The following FAM135B variants were observed in gnomAD, a reference collection of about 807,000 sequenced individuals.
FAM135B encodes the protein family with sequence similarity 135 member B.
Under a neutral mutation model 127.7 loss-of-function variants are expected in FAM135B, and 43 were observed. The observed-to-expected ratio is 0.34, with a 90% CI of 0.26 to 0.43. The LOEUF (loss-of-function observed/expected upper bound fraction) is 0.43, where lower values mean the gene tolerates loss of function less well. Ranked by LOEUF, FAM135B falls within the 20% of genes least tolerant of loss-of-function variation. FAM135B has a pLI of 1.00. For missense variants in FAM135B, 1,558 were observed against 1,725.6 expected, an observed-to-expected ratio of 0.90 and a Z score of 1.72; for synonymous variants, 670 against 665.1, an observed-to-expected ratio of 1.01 and a Z score of -0.11.
chr8:138,371,788 C>G (rs1052175223), intron 1 of FAM135B, among the ~76,000 whole-genome samples: 4 of 152,242 alleles, frequency 2.6e-5, no homozygotes, highest in Non-Finnish European at 5.9e-5. Context: ...CAGACATCTT[C>G]TCTGCACTAA....
intron 8 of FAM135B, among the ~76,000 whole-genome samples, chr8:138,195,649 C>A (rs1816559613): frequency 6.6e-6 from 1 of 152,072 alleles, no homozygotes; most frequent in African/African-American, 2.4e-5. Context: ...CACACACACA[C>A]ACACACACAA....
chr8:138,435,231 AG>A (rs1835396127), intron 1 of FAM135B, among the ~76,000 whole-genome samples: 1 of 152,132 alleles, frequency 6.6e-6, no homozygotes, highest in Non-Finnish European at 1.5e-5. Context: ...CGGGAGGCAG[AG>A]GTTGCAGTGA....
chr8:138,452,441 G>A (rs1836548284), intron 1 of FAM135B, among the ~76,000 whole-genome samples: 1 of 151,992 alleles, frequency 6.6e-6, no homozygotes, highest in African/African-American at 2.4e-5. Flanking sequence ...TTTCAAAGTG[G>A]AGGTGACCAC....
At chr8:138,196,530 A>G (rs1054417040) in intron 8 of FAM135B, among the ~76,000 whole-genome samples, 2 of 152,212 alleles carry the variant, frequency 1.3e-5, no homozygotes, top group African/African-American at 4.8e-5. Context: ...GAAGCAAAAC[A>G]TGCAAATAAA....
chr8:138,173,529 T>C (rs1007028694), intron 11 of FAM135B, among the ~76,000 whole-genome samples: 1 of 152,088 alleles, frequency 6.6e-6, no homozygotes, highest in Non-Finnish European at 1.5e-5. Flanking sequence ...GGGAGAATAA[T>C]AGTACCTACC....
At chr8:138,348,278 G>T (rs543803937) in intron 2 of FAM135B, among the ~76,000 whole-genome samples, 1 of 151,708 alleles carries the variant, frequency 6.6e-6, no homozygotes, top group South Asian at 2.1e-4. Flanking sequence ...GAGATTACAG[G>T]CATGCACCAC....
chr8:138,239,151 A>G (rs565230224), intron 7 of FAM135B, among the ~76,000 whole-genome samples: 3 of 152,294 alleles, frequency 2.0e-5, no homozygotes, highest in Middle Eastern at 3.4e-3. Context: ...CACAGTTAAG[A>G]AAACTAAGTT....
intron 3 of FAM135B, among the ~76,000 whole-genome samples, chr8:138,299,998 C>T (rs1214843853): frequency 2.0e-5 from 3 of 152,034 alleles, no homozygotes; most frequent in African/African-American, 4.8e-5. Context: ...GACGGAATCT[C>T]GCTCTATCGC....
intron 1 of FAM135B, among the ~76,000 whole-genome samples, chr8:138,442,079 T>C (rs1162008345): frequency 2.0e-5 from 3 of 151,406 alleles, no homozygotes; most frequent in Admixed American, 2.0e-4. Flanking sequence ...GACCATTGTA[T>C]TATCTCCTCC....
At chr8:138,363,609 G>T (rs1830569684) in intron 2 of FAM135B, among the ~76,000 whole-genome samples, 1 of 152,098 alleles carries the variant, frequency 6.6e-6, no homozygotes, top group Non-Finnish European at 1.5e-5. Context: ...TTGGATGAAG[G>T]CATGTTGACT....
At chr8:138,496,416 G>T (rs1815393861) in intron 1 of FAM135B, among the ~76,000 whole-genome samples, 1 of 152,186 alleles carries the variant, frequency 6.6e-6, no homozygotes, top group East Asian at 1.9e-4. Flanking sequence ...CTCCTGGGGG[G>T]AACCCCTCAT....
At chr8:138,382,161 C>T (rs2131290031) in intron 1 of FAM135B, among the ~76,000 whole-genome samples, 1 of 152,280 alleles carries the variant, frequency 6.6e-6, no homozygotes, top group South Asian at 2.1e-4. Flanking sequence ...CCTCCATTCC[C>T]AACCTTCTCA....
intron 2 of FAM135B, among the ~76,000 whole-genome samples, chr8:138,311,467 C>A (rs1020420088): frequency 2.0e-5 from 3 of 152,186 alleles, no homozygotes; most frequent in African/African-American, 7.2e-5. Context: ...GGACAATGTG[C>A]AGGTTCTCCT....
intron 2 of FAM135B, among the ~76,000 whole-genome samples, chr8:138,327,524 A>G (rs765493081): frequency 1.3e-5 from 2 of 152,222 alleles, no homozygotes; most frequent in Non-Finnish European, 2.9e-5. Flanking sequence ...AATAGCATGA[A>G]GAGTGCAAAC....
At chr8:138,258,944 G>C (rs1178674866) in intron 4 of FAM135B, among the ~76,000 whole-genome samples, 3 of 152,078 alleles carry the variant, frequency 2.0e-5, no homozygotes, top group Non-Finnish European at 4.4e-5. Flanking sequence ...CAAACTAGTA[G>C]AAATAATATA....
intron 1 of FAM135B, among the ~76,000 whole-genome samples, chr8:138,444,181 G>C (rs1040079790): frequency 9.2e-5 from 14 of 152,094 alleles, no homozygotes; most frequent in Non-Finnish European, 1.8e-4. Flanking sequence ...AAGAGACTTA[G>C]GCTCCCACAC....
At chr8:138,197,776 A>C in intron 7 of FAM135B, 107 bp from the exon 8 acceptor site, 2 of 1,289,838 alleles carry the variant, frequency 1.6e-6, no homozygotes. Flanking sequence ...AAATGTTTGG[A>C]GGTTCAGGGA....
intron 1 of FAM135B, among the ~76,000 whole-genome samples, chr8:138,376,449 C>T (rs768196846): frequency 2.6e-5 from 4 of 152,322 alleles, no homozygotes; most frequent in Non-Finnish European, 4.4e-5. Flanking sequence ...GTATTCTCCA[C>T]CCTCTCACTG....
At chr8:138,496,418 A>G (rs1242776830) in intron 1 of FAM135B, among the ~76,000 whole-genome samples, 1 of 152,048 alleles carries the variant, frequency 6.6e-6, no homozygotes, top group Admixed American at 6.5e-5. Flanking sequence ...CCTGGGGGGA[A>G]CCCCTCATTA....
Sources: allele counts gnomAD v4.1 joint callset (sites outside exome capture counted in the v4.1 genomes callset), GRCh38; gene constraint gnomAD v4.1.1; transcripts MANE v1.5; gene names NCBI Gene and HGNC (gene_info 2026-07-23, HGNC 2026-07-21).